PLCL2: variants seen among roughly 807,000 people sequenced by gnomAD.
The protein encoded by PLCL2 is phospholipase C like 2.
PLCL2 carries 4 observed loss-of-function variants against 79.6 expected under a neutral mutation model. The observed-to-expected ratio is 0.05, with a 90% CI of 0.02 to 0.11. PLCL2 has a LOEUF of 0.11. Ranked by LOEUF, PLCL2 falls within the 10% of genes least tolerant of loss-of-function variation. The probability of loss-of-function intolerance (pLI) is 1.00; values close to 1 mark genes in which losing one functional copy is unlikely to be tolerated. For missense variants in PLCL2, 895 were observed against 1,291.0 expected (o/e 0.69, Z 4.70); for synonymous variants, 484 against 457.7 (o/e 1.06, Z -0.73).
Position 16,980,634 on chromosome 3 carries a change from C to T in PLCL2, c.328-29040C>T, listed in dbSNP as rs548765726. On this transcript the variant is annotated intron_variant, in intron 1 of 5. Coordinates refer to ENST00000615277, the MANE Select transcript of PLCL2 (RefSeq NM_001144382.2). The stretch of plus-strand genomic sequence containing the variant: ...AGATGGGATGGCAGCCGGGCAGAGA[C>T]GCTCCTCACTTTCCAGACTGGGCAG... Among the ~76,000 whole-genome samples, 16 of 151,758 alleles carry T rather than the reference C, an allele frequency of 1.1e-4. No individual in the cohort carries two copies. In the East Asian group the frequency reaches 1.2e-3, roughly 11 times the overall value.
intron 5 of PLCL2, among the ~76,000 whole-genome samples, chr3:17,084,559 G>A (rs182474852): frequency 2.6e-5 from 4 of 152,058 alleles, no homozygotes; most frequent in African/African-American, 9.7e-5. Context: ...ATCCAAAAAT[G>A]AATAAAAAGA....
chr3:16,947,452 C>T (rs1470253584), intron 1 of PLCL2, among the ~76,000 whole-genome samples: 1 of 152,142 alleles, frequency 6.6e-6, no homozygotes, highest in Non-Finnish European at 1.5e-5. Context: ...ATGATTCCTA[C>T]TGCGACTGTC....
At chr3:17,077,395 T>C (rs1451567600) in intron 5 of PLCL2, among the ~76,000 whole-genome samples, 2 of 152,242 alleles carry the variant, frequency 1.3e-5, no homozygotes, top group South Asian at 2.1e-4. Flanking sequence ...TTCAGGACTT[T>C]TATGACTTGC....
At chr3:17,072,675 A>AG (rs2065072110) in intron 5 of PLCL2, among the ~76,000 whole-genome samples, 1 of 152,040 alleles carries the variant, frequency 6.6e-6, no homozygotes, top group African/African-American at 2.4e-5. Flanking sequence ...TCAAAGAAAA[A>AG]AAAAAAAAAA....
In PLCL2 at chr3:16,957,746, G is replaced by C. The variant is rs1007149227; in HGVS notation, c.328-51928G>C. On this transcript the variant is annotated intron_variant, in intron 1 of 5. Coordinates refer to ENST00000615277, the MANE Select transcript of PLCL2 (RefSeq NM_001144382.2). The stretch of plus-strand genomic sequence containing the variant: ...GGGGCATATATATTTAGGATAGTTA[G>C]CTCTTCTTGTTGAATTGATCCCTTT... Among the ~76,000 whole-genome samples, 16 of 152,264 alleles carry C rather than the reference G, an allele frequency of 1.1e-4. No individual in the cohort carries two copies. The South Asian group carries it at 2.7e-3, about 26-fold the overall frequency.
intron 1 of PLCL2, among the ~76,000 whole-genome samples, chr3:16,910,414 C>T (rs1228933263): frequency 6.6e-6 from 1 of 152,136 alleles, no homozygotes; most frequent in Non-Finnish European, 1.5e-5. Context: ...TTTGGCATGG[C>T]TGATCATTCC....
chr3:16,893,545 T>C (rs1696400386), intron 1 of PLCL2, among the ~76,000 whole-genome samples: 1 of 152,166 alleles, frequency 6.6e-6, no homozygotes, highest in Non-Finnish European at 1.5e-5. Flanking sequence ...ATTCATGAGA[T>C]TTTCACAGCG....
intron 1 of PLCL2, among the ~76,000 whole-genome samples, chr3:16,898,127 G>A (rs1696527659): frequency 6.6e-6 from 1 of 152,202 alleles, no homozygotes; most frequent in Non-Finnish European, 1.5e-5. Flanking sequence ...CCTGTTTAGA[G>A]GCCGGAGAGG....
chr3:17,016,477 G>C (rs2064385232), intron 3 of PLCL2, among the ~76,000 whole-genome samples: 1 of 152,166 alleles, frequency 6.6e-6, no homozygotes, highest in Admixed American at 6.5e-5. Context: ...AGGGAGGCCA[G>C]GGTCAGGTGT....
At chr3:16,952,813 C>T (rs1012807145) in intron 1 of PLCL2, among the ~76,000 whole-genome samples, 2 of 151,928 alleles carry the variant, frequency 1.3e-5, no homozygotes, top group Non-Finnish European at 2.9e-5. Flanking sequence ...TTGGAAGCAT[C>T]TTTTGCGAAA....
intron 1 of PLCL2, among the ~76,000 whole-genome samples, chr3:16,942,343 G>A (rs1290986847): frequency 6.6e-6 from 1 of 152,224 alleles, no homozygotes; most frequent in East Asian, 1.9e-4. Flanking sequence ...ATTAGGCTAA[G>A]TGAATGGCTT....
intron 3 of PLCL2, among the ~76,000 whole-genome samples, chr3:17,038,460 T>G (rs1198055905): frequency 1.3e-5 from 2 of 152,186 alleles, no homozygotes; most frequent in African/African-American, 4.8e-5. Flanking sequence ...GGCCTTGCAT[T>G]CTAGTGACGT....
intron 1 of PLCL2, among the ~76,000 whole-genome samples, chr3:16,962,244 AG>A (rs1392131195): frequency 6.6e-6 from 1 of 152,180 alleles, no homozygotes. Flanking sequence ...GGGGATGATC[AG>A]TTGATTTAGT....
chr3:17,052,750 G>A (rs2064855104), intron 4 of PLCL2, among the ~76,000 whole-genome samples: 1 of 152,064 alleles, frequency 6.6e-6, no homozygotes. Flanking sequence ...AAGATGATGA[G>A]GATGAAGACC....
intron 1 of PLCL2, among the ~76,000 whole-genome samples, chr3:16,977,056 A>C (rs1430809133): frequency 6.6e-6 from 1 of 152,162 alleles, no homozygotes; most frequent in Non-Finnish European, 1.5e-5. Flanking sequence ...TAAAAAAATC[A>C]AAGTCTTCCA....
At chr3:16,976,910 A>G (rs1318442077) in intron 1 of PLCL2, among the ~76,000 whole-genome samples, 1 of 152,162 alleles carries the variant, frequency 6.6e-6, no homozygotes, top group African/African-American at 2.4e-5. Context: ...CAGAGTCCCA[A>G]ACTCCTGGTC....
At chr3:16,885,860 G>A (rs1220256119) in intron 1 of PLCL2, among the ~76,000 whole-genome samples, 3 of 152,158 alleles carry the variant, frequency 2.0e-5, no homozygotes, top group Non-Finnish European at 2.9e-5. Context: ...TTTACACTTC[G>A]AGGGTGCAAA....
At chr3:16,922,589 T>G (rs950561863) in intron 1 of PLCL2, among the ~76,000 whole-genome samples, 3 of 152,222 alleles carry the variant, frequency 2.0e-5, no homozygotes, top group Non-Finnish European at 4.4e-5. Context: ...GAAACAATAT[T>G]AGGTGCTGTT....
At position 17,009,618 on chromosome 3, in the gene PLCL2, G is replaced by T; in HGVS notation, c.328-56G>T. On this transcript the variant is annotated intron_variant, in intron 1 of 5. Coordinates refer to ENST00000615277, the MANE Select transcript of PLCL2 (RefSeq NM_001144382.2). The surrounding 1 kb of genome is among the most constrained non-coding windows in gnomAD (Gnocchi z 4.0). ...AAATTAAATTTCTATTCATAATCTT[G>T]AACATAGAAACCTATATTTATGTTA... 2 of 893,584 alleles carry T rather than the reference G, an allele frequency of 2.2e-6. No homozygotes were observed. Among genetic ancestry groups the T allele is most frequent in the East Asian group, 2.7e-5 (1 of 37,662 alleles). The allele number at this position is 893,584 out of a possible 1,614,324, so 55.4% of individuals were successfully genotyped here.
Sources: allele counts gnomAD v4.1 joint callset (sites outside exome capture counted in the v4.1 genomes callset), GRCh38; gene constraint gnomAD v4.1.1; non-coding constraint Gnocchi (gnomAD v3.1); transcripts MANE v1.5; gene names NCBI Gene and HGNC (gene_info 2026-07-23, HGNC 2026-07-21).